Variants in DOCK3 observed in about 807,000 individuals in gnomAD.
The protein encoded by DOCK3 is dedicator of cytokinesis protein 3.
DOCK3 carries 60 observed loss-of-function variants against 265.6 expected under a neutral mutation model. The ratio of observed to expected loss-of-function variants is 0.23; its 90% CI spans 0.18 to 0.28. The LOEUF (loss-of-function observed/expected upper bound fraction) is 0.28. Ranked by LOEUF, DOCK3 falls within the 10% of genes least tolerant of loss-of-function variation. The pLI is 1.00. For synonymous variants in DOCK3, 881 were observed against 938.0 expected (o/e 0.94, Z 1.11); for missense variants, 1,981 against 2,594.3 (o/e 0.76, Z 5.14).
chr3:51,013,822 C>T lies in DOCK3; in HGVS notation c.316-50626C>T, dbSNP rs949958137. ...TCGGGCCTCATTGAGCTGTGGTGGACTCCACCCAGTTTGAGCTTCCTGGCC... is the reference window on the plus strand; with the variant it reads ...TCGGGCCTCATTGAGCTGTGGTGGATTCCACCCAGTTTGAGCTTCCTGGCC... On this transcript the variant is annotated intron_variant, in intron 5 of 52. Coordinates refer to ENST00000266037, the MANE Select transcript of DOCK3 (RefSeq NM_004947.5). 3.9e-5 allele frequency among the ~76,000 whole-genome samples: 6 copies of T among 152,200 alleles called. 1 individual carries two copies. The highest frequency in any genetic ancestry group is 1.4e-4 in the African/African-American group (6 of 41,462).
chr3:50,957,426 A>G (rs2108358846), intron 5 of DOCK3, among the ~76,000 whole-genome samples: 2 of 152,336 alleles, frequency 1.3e-5, no homozygotes, highest in South Asian at 4.1e-4. Context: ...AGCACTACCT[A>G]GTTGCTATTC....
intron 5 of DOCK3, among the ~76,000 whole-genome samples, chr3:51,041,896 C>A (rs2080548034): frequency 2.0e-5 from 3 of 152,152 alleles, no homozygotes; most frequent in Non-Finnish European, 4.4e-5. Context: ...CTGCATTAAC[C>A]TCTAACAAGA....
intron 4 of DOCK3, among the ~76,000 whole-genome samples, chr3:50,922,562 G>A (rs1391378952): frequency 6.6e-6 from 1 of 152,194 alleles, no homozygotes; most frequent in African/African-American, 2.4e-5. Flanking sequence ...ACAAGCCCCA[G>A]TGAGATGAAC....
intron 1 of DOCK3, among the ~76,000 whole-genome samples, chr3:50,725,032 C>T (rs73833250): frequency 0.046 from 6,962 of 151,700 alleles, 581 homozygotes; most frequent in African/African-American, 0.16. Context: ...ATTTCCAAGT[C>T]GTGATGAAAG....
rs1042169056 is a variant in DOCK3, at chr3:50,688,436, T to G, written c.37+13136T>G. ...CATTTGTTGCAATGAACCCGTAATT[T>G]AAGTAGGACTCTTGGTATTTTCATT... On this transcript the variant is annotated intron_variant, in intron 1 of 52. Coordinates refer to ENST00000266037, the MANE Select transcript of DOCK3 (RefSeq NM_004947.5). 5.0e-4 allele frequency among the ~76,000 whole-genome samples: 76 copies of G among 152,304 alleles called. 2 individuals carry two copies. The highest frequency in any genetic ancestry group is 2.9e-4 in the African/African-American group (12 of 41,576).
chr3:50,766,690 A>G (rs577706978), intron 1 of DOCK3, among the ~76,000 whole-genome samples: 6 of 152,164 alleles, frequency 3.9e-5, no homozygotes, highest in Non-Finnish European at 5.9e-5. Context: ...TCCTTGAGGA[A>G]TTGCCACACT....
At chr3:50,747,258 A>G (rs760575266) in intron 1 of DOCK3, among the ~76,000 whole-genome samples, 2 of 152,140 alleles carry the variant, frequency 1.3e-5, no homozygotes, top group African/African-American at 2.4e-5. Flanking sequence ...GTTAGCTTCC[A>G]ATTTTTTTAT....
At chr3:51,016,573 AT>A (rs1385449715) in intron 5 of DOCK3, among the ~76,000 whole-genome samples, 6 of 90,608 alleles carry the variant, frequency 6.6e-5, no homozygotes, top group South Asian at 5.9e-4. Flanking sequence ...TTATATATAT[AT>A]TTATATATAT....
intron 2 of DOCK3, among the ~76,000 whole-genome samples, chr3:50,836,102 A>G (rs1231678000): frequency 6.6e-6 from 1 of 152,254 alleles, no homozygotes; most frequent in Non-Finnish European, 1.5e-5. Context: ...AAAACAATGC[A>G]AAACAGAAAA....
At chr3:50,873,895 A>G (rs1360667445) in intron 3 of DOCK3, among the ~76,000 whole-genome samples, 1 of 152,204 alleles carries the variant, frequency 6.6e-6, no homozygotes, top group Non-Finnish European at 1.5e-5. Flanking sequence ...TGTTTTCTGC[A>G]CTATGCAGTA....
At chr3:51,380,632 T>G (rs1254006951) in intron 52 of DOCK3, among the ~76,000 whole-genome samples, 2 of 152,238 alleles carry the variant, frequency 1.3e-5, no homozygotes, top group African/African-American at 2.4e-5. Context: ...TCCTACCTGT[T>G]AGCTTGTCTG....
intron 5 of DOCK3, among the ~76,000 whole-genome samples, chr3:51,024,554 G>A (rs2079734068): frequency 6.6e-6 from 1 of 152,180 alleles, no homozygotes; most frequent in Non-Finnish European, 1.5e-5. Context: ...TCCCTGCTAG[G>A]CCAGCAGAAA....
chr3:51,334,973 C>T (rs2084767396), intron 35 of DOCK3, among the ~76,000 whole-genome samples: 1 of 152,162 alleles, frequency 6.6e-6, no homozygotes, highest in South Asian at 2.1e-4. Context: ...TTACTCACTT[C>T]TCCAGACCAA....
At chr3:51,123,987 G>A (rs925157937) in intron 9 of DOCK3, among the ~76,000 whole-genome samples, 18 of 152,192 alleles carry the variant, frequency 1.2e-4, no homozygotes, top group East Asian at 9.7e-4. Flanking sequence ...CACCATGAGC[G>A]TGTAGACCAC....
chr3:50,997,677 T>C (rs1346406206), intron 5 of DOCK3, among the ~76,000 whole-genome samples: 1 of 152,216 alleles, frequency 6.6e-6, no homozygotes, highest in Non-Finnish European at 1.5e-5. Flanking sequence ...ATTGTGCTGG[T>C]GGTTGCTTTG....
chr3:50,698,566 G>T (rs2035824602), intron 1 of DOCK3, among the ~76,000 whole-genome samples: 1 of 74,514 alleles, frequency 1.3e-5, no homozygotes. Context: ...GTGTGGAATT[G>T]CTGGATCATA....
rs574203940 is a variant in DOCK3, at chr3:51,037,438, A to G, written c.316-27010A>G. Among the ~76,000 whole-genome samples, 3 of 152,184 alleles carry G rather than the reference A, an allele frequency of 2.0e-5. 1 individual carries two copies. The highest frequency in any genetic ancestry group is 7.2e-5 in the African/African-American group (3 of 41,530). On this transcript the variant is annotated intron_variant, in intron 5 of 52. Coordinates refer to ENST00000266037, the MANE Select transcript of DOCK3 (RefSeq NM_004947.5). ...TCTTTTTCTCTATAGTTTTCTTCCT[A>G]TGTGAACACCTCATGAGGTTTTTAT...
chr3:51,312,020 G>C lies in DOCK3; in HGVS notation c.3034G>C (p.Val1012Leu). 6.2e-7 allele frequency: 1 copy of C among 1,604,650 alleles called. No homozygotes were observed. Among genetic ancestry groups the C allele is most frequent in the Non-Finnish European group, 8.5e-7 (1 of 1,175,096 alleles). ...LLTSNIIVTT[V>L]QYLSSALHKN... Reference sequence around the variant, plus strand: ...TTACTGCAGTATTATAGTCACTACTGTCCAGTACCTGTCCTCTGCACTGCA... The same window carrying C: ...TTACTGCAGTATTATAGTCACTACTCTCCAGTACCTGTCCTCTGCACTGCA... The change falls in exon 29 of 53, where the codon GTC becomes CTC. Residue 1012 changes from valine (V) to leucine (L), a missense_variant. By Grantham distance (32) the Val-to-Leu change is conservative. Coordinates refer to ENST00000266037, the MANE Select transcript of DOCK3 (RefSeq NM_004947.5).
chr3:51,034,592 A>C (rs1192857842), intron 5 of DOCK3, among the ~76,000 whole-genome samples: 2 of 152,060 alleles, frequency 1.3e-5, no homozygotes, highest in Non-Finnish European at 2.9e-5. Context: ...ATGATTCCTT[A>C]AGACAGTGTT....
Sources: allele counts gnomAD v4.1 joint callset (sites outside exome capture counted in the v4.1 genomes callset), GRCh38; gene constraint gnomAD v4.1.1; transcripts MANE v1.5; gene names NCBI Gene and HGNC (gene_info 2026-07-23, HGNC 2026-07-21).